Variants in PTPRD observed in about 807,000 individuals in gnomAD.
The protein encoded by PTPRD is protein tyrosine phosphatase receptor type D.
A neutral mutation model predicts 214.5 loss-of-function variants in PTPRD; 34 were observed. The ratio of observed to expected loss-of-function variants is 0.16; its 90% CI spans 0.12 to 0.21. The LOEUF is 0.21. PTPRD is among the 10% of genes least tolerant of loss of function. PTPRD has a pLI of 1.00. For synonymous variants in PTPRD, 1,128 were observed against 845.7 expected, an observed-to-expected ratio of 1.33 and a Z score of -5.79; for missense variants, 2,545 against 2,398.7, an observed-to-expected ratio of 1.06 and a Z score of -1.27.
At chr9:8,407,890 G>C (rs1481275162) in intron 35 of PTPRD, among the ~76,000 whole-genome samples, 2 of 152,204 alleles carry the variant, frequency 1.3e-5, no homozygotes, top group Non-Finnish European at 2.9e-5. Context: ...TTGTCAGAAT[G>C]CTGACAGCAG....
At chr9:9,163,561 C>G (rs373181543) in intron 10 of PTPRD, among the ~76,000 whole-genome samples, 95 of 151,824 alleles carry the variant, frequency 6.3e-4, no homozygotes, top group African/African-American at 2.2e-3. Flanking sequence ...CCATCTCTTC[C>G]TAATTGGCCT....
Position 8,517,870 on chromosome 9 carries a change from T to A in PTPRD, c.1521A>T (p.Ile507=), listed in dbSNP as rs1377861449. 3 of 1,613,760 alleles carry A rather than the reference T, an allele frequency of 1.9e-6. No individual in the cohort carries two copies. Among genetic ancestry groups the A allele is most frequent in the Non-Finnish European group, 2.5e-6 (3 of 1,179,840 alleles). The change falls in exon 21 of 46, where the codon ATA becomes ATT. Residue 507 remains isoleucine (I), a synonymous_variant. Coordinates refer to ENST00000381196, the MANE Select transcript of PTPRD (RefSeq NM_002839.4). ...TACCTCCTGTCTGAGTGATGACTTG[T>A]ATGTCACTTGAAAGGGGACCATCTC... ...SIGDGPLSSD[I]QVITQTGVPG...
intron 30 of PTPRD, among the ~76,000 whole-genome samples, chr9:8,473,492 T>C (rs573391583): frequency 6.6e-6 from 1 of 152,276 alleles, no homozygotes; most frequent in Admixed American, 6.5e-5. Context: ...ATAAACACAC[T>C]TGTCAAGGAA....
chr9:8,612,183 G>C (rs1163372859), intron 14 of PTPRD, among the ~76,000 whole-genome samples: 1 of 152,166 alleles, frequency 6.6e-6, no homozygotes, highest in Non-Finnish European at 1.5e-5. Context: ...CTTCCAGAAA[G>C]ATGATATTTC....
intron 5 of PTPRD, among the ~76,000 whole-genome samples, chr9:9,931,646 G>C (rs1459628406): frequency 6.6e-6 from 1 of 151,308 alleles, no homozygotes; most frequent in Non-Finnish European, 1.5e-5. Flanking sequence ...AACGAGGCTG[G>C]GGGAGGGGCG....
chr9:8,323,144 G>T (rs10121276), intron 44 of PTPRD, among the ~76,000 whole-genome samples: 67,308 of 152,018 alleles, frequency 0.44, 19,321 homozygotes, highest in African/African-American at 0.81. Flanking sequence ...TAGCATGGTT[G>T]ACTGAACATT....
At chr9:8,819,354 T>C (rs2154526009) in intron 11 of PTPRD, among the ~76,000 whole-genome samples, 1 of 152,236 alleles carries the variant, frequency 6.6e-6, no homozygotes, top group South Asian at 2.1e-4. Flanking sequence ...TATTTTATTA[T>C]ATTTCTCTAA....
chr9:10,200,455 G>C (rs998843294), intron 3 of PTPRD, among the ~76,000 whole-genome samples: 8 of 152,188 alleles, frequency 5.3e-5, no homozygotes, highest in Middle Eastern at 3.4e-3. Context: ...GCATAAGACA[G>C]TCCCCAAGAA....
At chr9:8,500,482 G>A (rs556847376) in intron 24 of PTPRD, among the ~76,000 whole-genome samples, 74 of 145,906 alleles carry the variant, frequency 5.1e-4, no homozygotes, top group Middle Eastern at 3.6e-3. Flanking sequence ...CACAGAGACG[G>A]GCTGGACTGC....
chr9:10,130,942 G>A (rs1280436228), intron 3 of PTPRD, among the ~76,000 whole-genome samples: 1 of 152,090 alleles, frequency 6.6e-6, no homozygotes, highest in East Asian at 1.9e-4. Flanking sequence ...GAGACTGGGA[G>A]CACAGAACAT....
chr9:8,323,294 A>G (rs1830291626), intron 44 of PTPRD, among the ~76,000 whole-genome samples: 2 of 152,164 alleles, frequency 1.3e-5, no homozygotes, highest in African/African-American at 4.8e-5. Flanking sequence ...TGTGAACACA[A>G]TATTGATTCT....
At chr9:8,329,645 A>G (rs1837700418) in intron 44 of PTPRD, among the ~76,000 whole-genome samples, 1 of 152,098 alleles carries the variant, frequency 6.6e-6, no homozygotes, top group Non-Finnish European at 1.5e-5. Flanking sequence ...GCTTTGTCCC[A>G]GTGAGATGGG....
intron 12 of PTPRD, among the ~76,000 whole-genome samples, chr9:8,708,631 A>G (rs1352404905): frequency 7.1e-6 from 1 of 141,698 alleles, no homozygotes; most frequent in Non-Finnish European, 1.5e-5. Context: ...GTGAGCCCAG[A>G]TCGCACCAGT....
chr9:8,395,989 T>C (rs2091048229), intron 36 of PTPRD, among the ~76,000 whole-genome samples: 1 of 152,164 alleles, frequency 6.6e-6, no homozygotes, highest in African/African-American at 2.4e-5. Context: ...TTCAGCCACA[T>C]CATGGAGTTG....
intron 11 of PTPRD, among the ~76,000 whole-genome samples, chr9:8,774,337 G>A (rs2095370647): frequency 1.3e-5 from 2 of 151,954 alleles, no homozygotes; most frequent in Non-Finnish European, 2.9e-5. Flanking sequence ...AAACACTACA[G>A]AGAAAATCCT....
At chr9:9,778,796 T>C (rs2098819847) in intron 5 of PTPRD, among the ~76,000 whole-genome samples, 1 of 152,022 alleles carries the variant, frequency 6.6e-6, no homozygotes, top group Non-Finnish European at 1.5e-5. Context: ...GCACAAAGTA[T>C]GGGAGTACAG....
chr9:8,385,458 G>C (rs1467503255), intron 37 of PTPRD, among the ~76,000 whole-genome samples: 2 of 152,156 alleles, frequency 1.3e-5, no homozygotes. Context: ...AGATTACAGT[G>C]AACTATGACC....
chr9:8,388,539 T>C (rs556088677), intron 37 of PTPRD, among the ~76,000 whole-genome samples: 2 of 152,314 alleles, frequency 1.3e-5, no homozygotes, highest in East Asian at 3.9e-4. Flanking sequence ...TGCTTACCCA[T>C]TATTTTTTAG....
At chr9:9,512,067 T>C (rs1352081563) in intron 8 of PTPRD, among the ~76,000 whole-genome samples, 5 of 151,812 alleles carry the variant, frequency 3.3e-5, no homozygotes, top group Non-Finnish European at 5.9e-5. Context: ...CCAGTTTCTA[T>C]GGAGCCAGAG....
Sources: gnomAD v4.1 joint callset for allele counts (sites outside exome capture counted in the v4.1 genomes callset) on GRCh38, gnomAD v4.1.1 for gene constraint, MANE v1.5 for transcripts, NCBI Gene and HGNC (gene_info 2026-07-23, HGNC 2026-07-21) for gene names.